The following LARP4B variants were observed in gnomAD, a reference collection of about 807,000 sequenced individuals.
LARP4B encodes the protein la-related protein 4B.
A neutral mutation model predicts 89.8 loss-of-function variants in LARP4B; 12 were observed. The ratio of observed to expected loss-of-function variants is 0.13; its 90% confidence interval spans 0.09 to 0.22. LARP4B has a LOEUF of 0.22. Ranked by LOEUF, LARP4B falls within the 10% of genes least tolerant of loss-of-function variation. LARP4B has a pLI of 1.00. For synonymous variants in LARP4B, 367 were observed against 363.3 expected, an observed-to-expected ratio of 1.01 and a Z score of -0.12; for missense variants, 757 against 947.7, an observed-to-expected ratio of 0.80 and a Z score of 2.64.
At chr10:905,467 G>A (rs1836463338) in intron 1 of LARP4B, among the ~76,000 whole-genome samples, 1 of 152,120 alleles carries the variant, frequency 6.6e-6, no homozygotes, top group South Asian at 2.1e-4. Context: ...GTCAAGACAA[G>A]GAATCTAAAT....
At chr10:893,664 T>C (rs1237587785) in intron 1 of LARP4B, among the ~76,000 whole-genome samples, 4 of 152,178 alleles carry the variant, frequency 2.6e-5, no homozygotes, top group Non-Finnish European at 4.4e-5. Flanking sequence ...GTTAATTACT[T>C]TGTAGAATGT....
Position 889,454 on chromosome 10 carries a change from G to A in LARP4B, c.-39-3694C>T, listed in dbSNP as rs75386707. 9.2e-4 allele frequency among the ~76,000 whole-genome samples: 140 copies of A among 152,216 alleles called. No homozygotes were observed. The East Asian group carries it at 0.01, about 11-fold the overall frequency. On this transcript the variant is annotated intron_variant, in intron 1 of 17. Transcript: ENST00000316157. ...CGAACATGCACACCTTTGGGATGTGGGAAGAAACTGGAATACCCGTAAGAA... is the reference window on the plus strand; with the variant it reads ...CGAACATGCACACCTTTGGGATGTGAGAAGAAACTGGAATACCCGTAAGAA...
intron 14 of LARP4B, 101 bp downstream of exon 14, chr10:820,699 T>C: frequency 9.5e-7 from 1 of 1,053,758 alleles, no homozygotes; most frequent in Non-Finnish European, 1.4e-6. Flanking sequence ...TTTGAAATGC[T>C]CATTCTTGTG....
chr10:842,476 G>A (rs894507097), intron 7 of LARP4B, among the ~76,000 whole-genome samples: 6 of 151,962 alleles, frequency 3.9e-5, no homozygotes, highest in South Asian at 2.1e-4. Context: ...GATTACACGC[G>A]TAAGCCACCA....
At chr10:908,691 T>C (rs1201615681) in intron 1 of LARP4B, among the ~76,000 whole-genome samples, 1 of 152,208 alleles carries the variant, frequency 6.6e-6, no homozygotes, top group Non-Finnish European at 1.5e-5. Context: ...GGGTTGATTG[T>C]TGTGACGCGA....
intron 14 of LARP4B, chr10:820,010 CTAA>C (rs1832262271): frequency 6.6e-6 from 1 of 151,954 alleles, no homozygotes; most frequent in Non-Finnish European, 1.5e-5. Context: ...GTGGGTACTG[CTAA>C]CTGCCACCGT....
At position 813,208 on chromosome 10, in the gene LARP4B, C is replaced by T; in HGVS notation, c.1935G>A (p.Leu645=). 2 of 1,607,074 alleles carry T rather than the reference C, an allele frequency of 1.2e-6. No homozygotes were observed. The highest frequency in any genetic ancestry group is 1.7e-6 in the Non-Finnish European group (2 of 1,177,202). The change falls in exon 18 of 18, where the codon TTG becomes TTA. Residue 645 remains leucine, a synonymous_variant. Coordinates refer to ENST00000316157, the MANE Select transcript of LARP4B (RefSeq NM_015155.3). ...SVQVNGAATE[L]RKPSYAEICQ... ...AAATCTCTGCGTAGCTGGGCTTTCG[C>T]AATTCCTGGAAACAGACAATCCTGG...
At chr10:815,166 G>C in intron 15 of LARP4B, 96 bp from the exon 16 acceptor site, 1 of 1,439,752 alleles carries the variant, frequency 6.9e-7, no homozygotes, top group Non-Finnish European at 9.2e-7. Context: ...AGCCTTGGGA[G>C]AGCAGCACAA....
Position 809,917 on chromosome 10 carries a change from C to T in LARP4B, c.*3009G>A, listed in dbSNP as rs1441209794. ...GAGATCCTAATATAGCAACGCAGGA[C>T]GTTTACGGCCACCCGCCAGTGACAG... is the stretch of plus-strand genomic sequence containing the variant. On this transcript the variant is annotated 3_prime_UTR_variant, in exon 18 of 18. Coordinates refer to ENST00000316157, the MANE Select transcript of LARP4B (RefSeq NM_015155.3). The T allele has an allele frequency of 6.6e-6, 1 of 152,186 alleles. No homozygotes were observed. Among genetic ancestry groups the T allele is most frequent in the Non-Finnish European group, 1.5e-5 (1 of 68,044 alleles). The allele number at this position is 152,186 out of a possible 1,614,324, so 9.4% of individuals were successfully genotyped here.
chr10:935,950 G>C (rs1030936401), upstream of LARP4B, among the ~76,000 whole-genome samples: 3 of 151,314 alleles, frequency 2.0e-5, no homozygotes, highest in African/African-American at 7.3e-5. Flanking sequence ...CACCATGTTG[G>C]TCAGGCTGGT....
the LARP4B span, among the ~76,000 whole-genome samples, chr10:974,227 T>C: frequency 6.6e-6 from 1 of 151,790 alleles, no homozygotes; most frequent in Admixed American, 6.6e-5. Flanking sequence ...CAAGGTCCCA[T>C]GAGGAGTGAC....
At chr10:876,991 G>A (rs1407450140) in intron 3 of LARP4B, among the ~76,000 whole-genome samples, 1 of 152,138 alleles carries the variant, frequency 6.6e-6, no homozygotes, top group Non-Finnish European at 1.5e-5. Context: ...AGCCACCACT[G>A]GGCCCACTCA....
intron 8 of LARP4B, among the ~76,000 whole-genome samples, chr10:833,015 C>G (rs1190215108): frequency 4.6e-5 from 7 of 151,986 alleles, no homozygotes; most frequent in Non-Finnish European, 7.4e-5. Context: ...GACAACAGCA[C>G]AGGCTAGAAG....
intron 1 of LARP4B, among the ~76,000 whole-genome samples, chr10:908,248 TC>T (rs1171560273): frequency 6.6e-6 from 1 of 152,080 alleles, no homozygotes. Flanking sequence ...TTGGGGAGCT[TC>T]CAGATAGCTG....
At chr10:881,431 T>C (rs1835662985) in intron 3 of LARP4B, among the ~76,000 whole-genome samples, 1 of 152,194 alleles carries the variant, frequency 6.6e-6, no homozygotes, top group African/African-American at 2.4e-5. Flanking sequence ...CCCCTCGCTT[T>C]GTTACCTTAC....
chr10:857,535 C>G (rs1284008354), intron 5 of LARP4B, among the ~76,000 whole-genome samples: 2 of 152,188 alleles, frequency 1.3e-5, no homozygotes, highest in Non-Finnish European at 2.9e-5. Context: ...TGGGAGCACT[C>G]TTTGGTCTCC....
intron 17 of LARP4B, among the ~76,000 whole-genome samples, chr10:813,844 C>T (rs1438612322): frequency 2.7e-5 from 4 of 148,556 alleles, no homozygotes; most frequent in Non-Finnish European, 1.5e-5. Flanking sequence ...CTCTGTCGCA[C>T]AGGCTGGAGT....
At chr10:895,672 C>CAAAAAAAAAAAAA (rs1312520352) in intron 1 of LARP4B, among the ~76,000 whole-genome samples, 1 of 64,134 alleles carries the variant, frequency 1.6e-5, no homozygotes, top group Non-Finnish European at 3.1e-5. Flanking sequence ...GAGTCCATCT[C>CAAAAAAAAAAAAA]AAAAAAAAAA....
At chr10:925,272 C>G (rs1837106472) in intron 1 of LARP4B, among the ~76,000 whole-genome samples, 1 of 152,112 alleles carries the variant, frequency 6.6e-6, no homozygotes, top group African/African-American at 2.4e-5. Context: ...ATCTTTGCAT[C>G]CCTAGTGTTC....
Sources: allele counts gnomAD v4.1 joint callset (sites outside exome capture counted in the v4.1 genomes callset), GRCh38; gene constraint gnomAD v4.1.1; transcripts MANE v1.5; gene names NCBI Gene and HGNC (gene_info 2026-07-23, HGNC 2026-07-21).